The following KSR2 variants were observed in gnomAD, a reference collection of about 807,000 sequenced individuals.
KSR2 encodes kinase suppressor of ras 2.
A neutral mutation model predicts 107.8 loss-of-function variants in KSR2; 25 were observed. The ratio of observed to expected loss-of-function variants is 0.23; its 90% CI spans 0.17 to 0.32. The LOEUF (loss-of-function observed/expected upper bound fraction) is 0.32, where lower values mean the gene tolerates loss of function less well. Ranked by LOEUF, KSR2 falls within the 10% of genes least tolerant of loss-of-function variation. The pLI is 1.00. For missense variants in KSR2, 887 were observed against 1,268.9 expected (o/e 0.70, Z 4.57); for synonymous variants, 480 against 507.0 (o/e 0.95, Z 0.71).
At chr12:117,480,547 T>G (rs2137132886) in intron 16 of KSR2, among the ~76,000 whole-genome samples, 1 of 152,268 alleles carries the variant, frequency 6.6e-6, no homozygotes, top group Non-Finnish European at 1.5e-5. Context: ...TGTCTGGATG[T>G]GCAGAACACA....
chr12:117,745,302 A>T (rs899465096), intron 4 of KSR2, among the ~76,000 whole-genome samples: 1 of 152,206 alleles, frequency 6.6e-6, no homozygotes. Context: ...CCATGATATG[A>T]CTCTAAAAGC....
intron 4 of KSR2, among the ~76,000 whole-genome samples, chr12:117,687,756 A>G (rs909755545): frequency 4.6e-5 from 7 of 152,220 alleles, no homozygotes; most frequent in Admixed American, 1.3e-4. Context: ...CCAGGTGCCA[A>G]TCAGACCAAT....
At chr12:117,816,243 C>T (rs142117260) in intron 3 of KSR2, among the ~76,000 whole-genome samples, 11 of 152,234 alleles carry the variant, frequency 7.2e-5, no homozygotes, top group Non-Finnish European at 1.2e-4. Flanking sequence ...TGGAGCCCAA[C>T]CACCATGCTG....
At chr12:117,533,374 C>T (rs1454015091) in intron 10 of KSR2, among the ~76,000 whole-genome samples, 2 of 152,228 alleles carry the variant, frequency 1.3e-5, no homozygotes, top group African/African-American at 2.4e-5. Context: ...GTGTGCAACA[C>T]ACATTTGTTG....
At chr12:117,948,008 T>C (rs1382448597) in intron 1 of KSR2, among the ~76,000 whole-genome samples, 1 of 152,112 alleles carries the variant, frequency 6.6e-6, no homozygotes, top group Admixed American at 6.6e-5. Flanking sequence ...ATATTTATTA[T>C]AAATATAGAC....
At chr12:117,787,153 G>T (rs553576673) in intron 3 of KSR2, among the ~76,000 whole-genome samples, 4 of 152,112 alleles carry the variant, frequency 2.6e-5, no homozygotes, top group Admixed American at 1.3e-4. Flanking sequence ...CTCAGCACAA[G>T]TTTAAAGTGT....
At chr12:117,555,128 C>T (rs1036696624) in intron 9 of KSR2, 41 bp downstream of exon 9, 2 of 1,612,650 alleles carry the variant, frequency 1.2e-6, no homozygotes, top group Non-Finnish European at 1.7e-6. Context: ...CCCAGCAGTG[C>T]CAGCCCCACA....
At chr12:117,690,962 A>C in intron 4 of KSR2, among the ~76,000 whole-genome samples, 1 of 152,222 alleles carries the variant, frequency 6.6e-6, no homozygotes, top group East Asian at 1.9e-4. Context: ...ACCTCCAAGG[A>C]AACCACATCT....
chr12:117,846,359 T>C (rs1414011603), intron 3 of KSR2, among the ~76,000 whole-genome samples: 1 of 150,830 alleles, frequency 6.6e-6, no homozygotes, highest in East Asian at 2.0e-4. Flanking sequence ...AGTGGCATGA[T>C]CTTGGCTCAC....
At chr12:117,786,362 A>T (rs1482050491) in intron 3 of KSR2, among the ~76,000 whole-genome samples, 2 of 151,932 alleles carry the variant, frequency 1.3e-5, no homozygotes, top group East Asian at 3.9e-4. Flanking sequence ...TCAGTGGTAC[A>T]TGTGCAGATT....
chr12:117,918,831 G>T (rs1193613361), intron 1 of KSR2, among the ~76,000 whole-genome samples: 2 of 151,702 alleles, frequency 1.3e-5, no homozygotes, highest in South Asian at 4.2e-4. Context: ...TTCTGCAGGC[G>T]GGGTAGCTCA....
At chr12:117,955,245 C>G (rs1896478758) in intron 1 of KSR2, among the ~76,000 whole-genome samples, 1 of 151,958 alleles carries the variant, frequency 6.6e-6, no homozygotes, top group Non-Finnish European at 1.5e-5. Context: ...ACCTCAGCCT[C>G]CCAGGTATCT....
intron 1 of KSR2, among the ~76,000 whole-genome samples, chr12:117,877,888 T>C (rs986348422): frequency 6.6e-6 from 1 of 152,204 alleles, no homozygotes; most frequent in African/African-American, 2.4e-5. Context: ...TCTTTTCTTG[T>C]CAACAAGGTC....
intron 7 of KSR2, among the ~76,000 whole-genome samples, chr12:117,561,825 C>T (rs974186952): frequency 6.6e-6 from 1 of 152,164 alleles, no homozygotes; most frequent in African/African-American, 2.4e-5. Flanking sequence ...AAGGTCCCAG[C>T]CCCCATGGGA....
intron 3 of KSR2, among the ~76,000 whole-genome samples, chr12:117,801,963 T>C (rs913734255): frequency 6.6e-6 from 1 of 152,102 alleles, no homozygotes; most frequent in Non-Finnish European, 1.5e-5. Context: ...GAAAAGGCAA[T>C]GGAAGGGGCG....
chr12:117,508,547 G>T (rs1386058142), intron 14 of KSR2, among the ~76,000 whole-genome samples: 2 of 152,084 alleles, frequency 1.3e-5, no homozygotes, highest in Non-Finnish European at 2.9e-5. Flanking sequence ...CAGATGGGTG[G>T]GTAGGTAGGT....
chr12:117,713,224 G>A (rs1344149417), intron 4 of KSR2, among the ~76,000 whole-genome samples: 1 of 151,618 alleles, frequency 6.6e-6, no homozygotes, highest in Non-Finnish European at 1.5e-5. Flanking sequence ...ATAGATAATA[G>A]ATACAGATAT....
intron 5 of KSR2, among the ~76,000 whole-genome samples, chr12:117,601,651 C>T (rs12422920): frequency 0.07 from 10,611 of 152,226 alleles, 452 homozygotes; most frequent in Middle Eastern, 0.13. Flanking sequence ...CTAGAGCCTT[C>T]GGAGAGAGCA....
intron 1 of KSR2, among the ~76,000 whole-genome samples, chr12:117,894,155 C>T (rs1363613259): frequency 6.6e-6 from 1 of 152,052 alleles, no homozygotes; most frequent in Non-Finnish European, 1.5e-5. Flanking sequence ...GTGATCCACC[C>T]GCCTCGGCCT....
Sources: allele counts gnomAD v4.1 joint callset (sites outside exome capture counted in the v4.1 genomes callset), GRCh38; gene constraint gnomAD v4.1.1; transcripts MANE v1.5; gene names NCBI Gene and HGNC (gene_info 2026-07-23, HGNC 2026-07-21).